Variants in COLEC12 observed in about 807,000 individuals in gnomAD.
The protein encoded by COLEC12 is collectin subfamily member 12.
In COLEC12, 33 loss-of-function variants were observed where a neutral mutation model predicts 71.1. The ratio of observed to expected loss-of-function variants is 0.46; its 90% CI spans 0.35 to 0.62. The LOEUF is 0.62. COLEC12 is among the 20% of genes least tolerant of loss of function. The pLI, the probability that COLEC12 is intolerant of heterozygous loss-of-function variation, is 0.00. For synonymous variants in COLEC12, 350 were observed against 353.0 expected, an observed-to-expected ratio of 0.99 and a Z score of 0.10; for missense variants, 765 against 916.1, an observed-to-expected ratio of 0.84 and a Z score of 2.13.
Position 347,339 on chromosome 18 carries a change from C to T in COLEC12, c.283G>A (p.Asp95Asn). 1 of 1,609,900 alleles carries T rather than the reference C, an allele frequency of 6.2e-7. No individual in the cohort carries two copies. The highest frequency in any genetic ancestry group is 8.5e-7 in the Non-Finnish European group (1 of 1,177,146). Residue 95 changes from aspartate (D) to asparagine (N), a missense_variant and splice_region_variant, in exon 5 of 10, where the codon GAC becomes AAC. By Grantham distance (23) the Asp-to-Asn change is conservative. Coordinates refer to ENST00000400256, the MANE Select transcript of COLEC12 (RefSeq NM_130386.3). ...AVESDLKKLG[D>N]QTGKKAISTN... ...CTGATAGCTTTCTTCCCAGTTTGGT[C>T]ACCTGGAATAAGAAATATCTGTGAC...
chr18:496,507 T>TTTA, intron 1 of COLEC12, among the ~76,000 whole-genome samples: 1 of 152,344 alleles, frequency 6.6e-6, no homozygotes, highest in South Asian at 2.1e-4. Flanking sequence ...TTAGAAAATA[T>TTTA]GACTCTTTCA....
rs1029986173 is a variant in COLEC12, at chr18:408,817, C to A, written c.59-51295G>T. 1.3e-5 allele frequency among the ~76,000 whole-genome samples: 2 copies of A among 151,936 alleles called. No homozygotes were observed. Among genetic ancestry groups the A allele is most frequent in the Non-Finnish European group, 2.9e-5 (2 of 67,994 alleles). On this transcript the variant is annotated intron_variant, in intron 2 of 9. Coordinates refer to ENST00000400256, the MANE Select transcript of COLEC12 (RefSeq NM_130386.3). The surrounding 1 kb of genome is among the most constrained non-coding windows in gnomAD (Gnocchi z 4.3). The stretch of plus-strand genomic sequence containing the variant: ...AATTCAGAAATGATTGTGTACCATA[C>A]TTATTTAATTTTTAATTTTTATTTT...
chr18:487,330 T>C (rs1334548557), intron 1 of COLEC12, among the ~76,000 whole-genome samples: 1 of 152,224 alleles, frequency 6.6e-6, no homozygotes, highest in East Asian at 1.9e-4. Context: ...TGAGGGGAAC[T>C]GAGGAGTGAC....
At chr18:343,611 T>C (rs1158220146) in intron 5 of COLEC12, among the ~76,000 whole-genome samples, 1 of 151,820 alleles carries the variant, frequency 6.6e-6, no homozygotes, top group Non-Finnish European at 1.5e-5. Context: ...AAATCCCAAC[T>C]CCCTGACCTT....
chr18:407,414 G>T (rs1221440133), intron 2 of COLEC12, among the ~76,000 whole-genome samples: 2 of 152,170 alleles, frequency 1.3e-5, no homozygotes, highest in Admixed American at 6.5e-5. Flanking sequence ...AGGCCCAGGA[G>T]AGTTGATGGC....
intron 3 of COLEC12, among the ~76,000 whole-genome samples, chr18:350,260 T>G (rs1914481366): frequency 6.6e-6 from 1 of 152,186 alleles, no homozygotes; most frequent in Non-Finnish European, 1.5e-5. Flanking sequence ...CGAGATCTGA[T>G]GGGTTTCCAC....
intron 2 of COLEC12, among the ~76,000 whole-genome samples, chr18:387,247 T>C (rs1915364611): frequency 6.6e-6 from 1 of 152,242 alleles, no homozygotes; most frequent in Non-Finnish European, 1.5e-5. Flanking sequence ...AAGAATGTTC[T>C]GCTTTTTTTT....
At chr18:393,227 GA>G (rs1915499831) in intron 2 of COLEC12, among the ~76,000 whole-genome samples, 1 of 152,200 alleles carries the variant, frequency 6.6e-6, no homozygotes, top group Admixed American at 6.5e-5. Flanking sequence ...CTAGTGCGGG[GA>G]TATTGTTGAA....
rs371408456 is a variant in COLEC12 at position 401,755 on chromosome 18, G to A, written c.59-44233C>T. On this transcript the variant is annotated intron_variant, in intron 2 of 9. Transcript: ENST00000400256. ...AAAATTTGCTTTAGTATAGTTCTTG[G>A]GGACATGGTACTGGGTACAATGTAT... 3.3e-5 allele frequency among the ~76,000 whole-genome samples: 5 copies of A among 152,222 alleles called. No homozygotes were observed. In the East Asian group the frequency reaches 7.7e-4, roughly 24 times the overall value.
Position 371,491 on chromosome 18 carries a change from C to G in COLEC12, c.59-13969G>C, listed in dbSNP as rs1378228305. ...AAGTGGAGCTGGAAAAGCCAGGACT[C>G]CAGGAGGGCCCTGGGGTGCAGGGAG... is the stretch of plus-strand genomic sequence containing the variant. On this transcript the variant is annotated intron_variant, in intron 2 of 9. Coordinates refer to ENST00000400256, the MANE Select transcript of COLEC12 (RefSeq NM_130386.3). 2.7e-5 allele frequency among the ~76,000 whole-genome samples: 4 copies of G among 147,822 alleles called. No individual in the cohort carries two copies. In the East Asian group the frequency reaches 6.1e-4, roughly 22 times the overall value.
intron 2 of COLEC12, among the ~76,000 whole-genome samples, chr18:478,325 C>A (rs775005476): frequency 1.3e-5 from 2 of 152,190 alleles, no homozygotes; most frequent in Non-Finnish European, 2.9e-5. Context: ...AGAGTTAAAT[C>A]ATCTAAGTTG....
At chr18:461,646 C>T (rs1459371993) in intron 2 of COLEC12, among the ~76,000 whole-genome samples, 1 of 152,142 alleles carries the variant, frequency 6.6e-6, no homozygotes, top group Non-Finnish European at 1.5e-5. Flanking sequence ...CCTTGGCCTA[C>T]TAAAGTACTA....
In COLEC12 at chr18:436,628, T is replaced by C. The variant is rs540107212; in HGVS notation, c.58+44079A>G. Among the ~76,000 whole-genome samples the C allele has an allele frequency of 5.3e-5, 8 of 150,642 alleles. No individual in the cohort carries two copies. The South Asian group carries it at 1.3e-3, about 24-fold the overall frequency. ...AGATATTACACAGATCTCCTCTGTG[T>C]TTAATTAGGATTTGCAGGCCTTACT... On this transcript the variant is annotated intron_variant, in intron 2 of 9. Coordinates refer to ENST00000400256, the MANE Select transcript of COLEC12 (RefSeq NM_130386.3).
At position 399,714 on chromosome 18, in the gene COLEC12, C is replaced by A. The variant is rs115171961; in HGVS notation, c.59-42192G>T. On this transcript the variant is annotated intron_variant, in intron 2 of 9. Transcript: ENST00000400256. The surrounding 1 kb of genome is among the most constrained non-coding windows in gnomAD (Gnocchi z 4.0). Reference sequence around the variant, plus strand: ...ACCTGTTGTTAGTTCAACGGGGATGCGGAATTTGGGGTGGATGCCGAGCGC... The same window carrying A: ...ACCTGTTGTTAGTTCAACGGGGATGAGGAATTTGGGGTGGATGCCGAGCGC... 6.6e-5 allele frequency among the ~76,000 whole-genome samples: 10 copies of A among 152,122 alleles called. 1 individual carries two copies. Among genetic ancestry groups the A allele is most frequent in the Admixed American group, 5.2e-4 (8 of 15,270 alleles).
chr18:357,045 G>A (rs1209009742), intron 3 of COLEC12, among the ~76,000 whole-genome samples: 4 of 152,032 alleles, frequency 2.6e-5, no homozygotes, highest in African/African-American at 9.7e-5. Context: ...GTTTTCCTGT[G>A]TGCTGACTCC....
intron 2 of COLEC12, among the ~76,000 whole-genome samples, chr18:466,915 C>T (rs1917099295): frequency 1.3e-5 from 2 of 152,168 alleles, no homozygotes; most frequent in Non-Finnish European, 2.9e-5. Flanking sequence ...TTCCTCCCCT[C>T]CCCTATCTCT....
At chr18:432,425 C>G (rs138474920) in intron 2 of COLEC12, among the ~76,000 whole-genome samples, 376 of 152,252 alleles carry the variant, frequency 2.5e-3, no homozygotes, top group African/African-American at 8.6e-3. Flanking sequence ...AACCTGGCTA[C>G]AAAACTTCAT....
chr18:462,048 A>C (rs906029514), intron 2 of COLEC12, among the ~76,000 whole-genome samples: 2 of 152,230 alleles, frequency 1.3e-5, no homozygotes, highest in African/African-American at 4.8e-5. Flanking sequence ...AAATAATTCA[A>C]GCTGGTCTTT....
intron 2 of COLEC12, among the ~76,000 whole-genome samples, chr18:422,731 C>T (rs1335006213): frequency 6.6e-6 from 1 of 152,146 alleles, no homozygotes; most frequent in Non-Finnish European, 1.5e-5. Flanking sequence ...CTATGCATTA[C>T]ATTCTAAGCA....
Sources: gnomAD v4.1 joint callset for allele counts (sites outside exome capture counted in the v4.1 genomes callset) on GRCh38, gnomAD v4.1.1 for gene constraint, Gnocchi (gnomAD v3.1) non-coding constraint, MANE v1.5 for transcripts, NCBI Gene and HGNC (gene_info 2026-07-23, HGNC 2026-07-21) for gene names.